Variants in ASAP1 observed in about 807,000 individuals in gnomAD.
ASAP1 encodes arf-GAP with SH3 domain, ANK repeat and PH domain-containing protein 1.
In ASAP1, 43 loss-of-function variants were observed where a neutral mutation model predicts 145.2. The ratio of observed to expected loss-of-function variants is 0.30; its 90% confidence interval spans 0.23 to 0.38. The LOEUF (loss-of-function observed/expected upper bound fraction) is 0.38, where lower values mean the gene tolerates loss of function less well. Ranked by LOEUF, ASAP1 falls within the 10% of genes least tolerant of loss-of-function variation. ASAP1 has a pLI of 1.00. For missense variants in ASAP1, 1,018 were observed against 1,355.3 expected (o/e 0.75, Z 3.91); for synonymous variants, 546 against 515.5 (o/e 1.06, Z -0.80).
In ASAP1 at chr8:130,052,257, C is replaced by T. The variant is rs1030320291; in HGVS notation, c.*2474G>A. ...TGATGGTAACATCCAGATGAGAATT[C>T]GGCATTTAACTAGTGGCACTACAGG... On this transcript the variant is annotated 3_prime_UTR_variant, in exon 30 of 30. Coordinates refer to ENST00000518721, the MANE Select transcript of ASAP1 (RefSeq NM_018482.4). 8.5e-5 allele frequency: 13 copies of T among 152,600 alleles called. No homozygotes were observed. The highest frequency in any genetic ancestry group is 2.6e-4 in the Admixed American group (4 of 15,278). 9.5% of individuals were successfully genotyped at this position (152,600 alleles called of 1,614,324 possible). A position where few individuals can be genotyped will look rare whatever the true frequency, so the allele number is the denominator to read the frequency against.
intron 12 of ASAP1, among the ~76,000 whole-genome samples, chr8:130,158,480 T>C (rs2097662447): frequency 6.6e-6 from 1 of 152,124 alleles, no homozygotes; most frequent in Non-Finnish European, 1.5e-5. Flanking sequence ...GGTGCCACTG[T>C]ACTCCAGCCT....
chr8:130,115,917 A>G (rs954673850), intron 22 of ASAP1, among the ~76,000 whole-genome samples, 182 bp from the exon 23 acceptor site: 10 of 152,224 alleles, frequency 6.6e-5, no homozygotes, highest in African/African-American at 2.4e-4. Context: ...GAAGAAATGC[A>G]AACAATTGCA....
chr8:130,072,210 G>A lies in ASAP1; in HGVS notation c.2701+4138C>T, dbSNP rs1191944791. On this transcript the variant is annotated intron_variant, in intron 27 of 29. Coordinates refer to ENST00000518721, the MANE Select transcript of ASAP1 (RefSeq NM_018482.4). ...GGAGGCTCCTGGAGTTTCCAGAAAG[G>A]GCTTGGAAGCTCTGCACCTGATATA... is the stretch of plus-strand genomic sequence containing the variant. 3.3e-5 allele frequency among the ~76,000 whole-genome samples: 5 copies of A among 152,128 alleles called. No homozygotes were observed. In the East Asian group the frequency reaches 9.6e-4, roughly 29 times the overall value.
At chr8:130,336,736 T>G (rs548422689) in intron 3 of ASAP1, among the ~76,000 whole-genome samples, 98 of 152,228 alleles carry the variant, frequency 6.4e-4, no homozygotes, top group Non-Finnish European at 1.0e-3. Context: ...TTGACATAAG[T>G]CACCGAACAG....
intron 25 of ASAP1, among the ~76,000 whole-genome samples, chr8:130,086,031 T>C (rs1200792189): frequency 2.6e-5 from 4 of 152,166 alleles, no homozygotes; most frequent in South Asian, 4.1e-4. Flanking sequence ...ATGCTGCAGA[T>C]GGATAAGGAG....
intron 3 of ASAP1, among the ~76,000 whole-genome samples, chr8:130,247,872 T>C (rs186157629): frequency 5.1e-4 from 77 of 152,330 alleles, no homozygotes; most frequent in African/African-American, 1.7e-3. Flanking sequence ...GTCTTGACAA[T>C]GAGCATCATT....
rs997129543 is a variant in ASAP1, at chr8:130,058,067, T to C, written c.3202A>G (p.Lys1068Glu). The change falls in exon 29 of 30, where the codon AAA becomes GAA. Residue 1068 changes from lysine (K) to glutamate (E), a missense_variant. By Grantham distance (56) the Lys-to-Glu change is moderately conservative. Around this residue, in one of 9 missense-constraint regions of ASAP1, gnomAD observed 62 missense variants for 97.8 expected, o/e 0.63. Transcript: ENST00000518721. ...TAAATGGTCTTCACTCGCCTCACTT[T>C]ATTTTTCCCCTTAAAGAAAGAAACT... ...LPRKINTGKN[K>E]VRRVKTIYDC... 6.2e-7 allele frequency: 1 copy of C among 1,613,276 alleles called. No homozygotes were observed. Among genetic ancestry groups the C allele is most frequent in the Admixed American group, 1.7e-5 (1 of 59,988 alleles).
chr8:130,198,068 T>A (rs964895595), intron 5 of ASAP1, among the ~76,000 whole-genome samples: 7 of 152,150 alleles, frequency 4.6e-5, no homozygotes, highest in Admixed American at 3.3e-4. Flanking sequence ...CTACTGAGGC[T>A]AGGGGTTTGG....
At chr8:130,424,520 G>GT (rs1215219384) in intron 1 of ASAP1, among the ~76,000 whole-genome samples, 2 of 151,938 alleles carry the variant, frequency 1.3e-5, no homozygotes. Context: ...GTTTGTTTTT[G>GT]TTTTTTTTAA....
At chr8:130,064,925 G>A (rs1011799103) in intron 27 of ASAP1, among the ~76,000 whole-genome samples, 1 of 144,724 alleles carries the variant, frequency 6.9e-6, no homozygotes, top group African/African-American at 2.5e-5. Flanking sequence ...GTGTGTGTGT[G>A]TGTGTGTGTA....
chr8:130,375,552 GA>G (rs11311647), intron 2 of ASAP1, among the ~76,000 whole-genome samples: 34,425 of 142,748 alleles, frequency 0.24, 4,069 homozygotes, highest in African/African-American at 0.27. Flanking sequence ...ACTCTCGAGG[GA>G]AAAAAAAAAA....
intron 27 of ASAP1, among the ~76,000 whole-genome samples, chr8:130,069,882 C>T (rs1455934227): frequency 6.6e-6 from 1 of 152,152 alleles, no homozygotes; most frequent in Non-Finnish European, 1.5e-5. Flanking sequence ...TCCTTTGGCT[C>T]AACCCTTGGC....
chr8:130,189,421 T>C (rs959342183), intron 5 of ASAP1, among the ~76,000 whole-genome samples: 2 of 152,214 alleles, frequency 1.3e-5, no homozygotes, highest in African/African-American at 2.4e-5. Flanking sequence ...GCAATACTTA[T>C]CTTTCTGTAC....
At chr8:130,426,101 T>G (rs867130994) in intron 1 of ASAP1, among the ~76,000 whole-genome samples, 1 of 152,220 alleles carries the variant, frequency 6.6e-6, no homozygotes, top group Non-Finnish European at 1.5e-5. Context: ...GATTGAATCA[T>G]GAAAGGTGTT....
chr8:130,414,550 T>G (rs1433888238), intron 1 of ASAP1, among the ~76,000 whole-genome samples: 2 of 152,182 alleles, frequency 1.3e-5, no homozygotes, highest in Non-Finnish European at 2.9e-5. Context: ...TAAACTCAGG[T>G]GCCTGCTGTG....
At chr8:130,386,148 A>G (rs1232536606) in intron 2 of ASAP1, among the ~76,000 whole-genome samples, 2 of 152,200 alleles carry the variant, frequency 1.3e-5, no homozygotes, top group Non-Finnish European at 2.9e-5. Flanking sequence ...TACTTGGAGA[A>G]CCTGAGAATA....
chr8:130,229,098 T>C (rs1234211070), intron 4 of ASAP1, among the ~76,000 whole-genome samples: 2 of 152,218 alleles, frequency 1.3e-5, no homozygotes, highest in Non-Finnish European at 2.9e-5. Flanking sequence ...TTCTGTCTTA[T>C]GGCACTGATT....
chr8:130,336,093 G>A (rs1825017688), intron 3 of ASAP1, among the ~76,000 whole-genome samples: 2 of 152,118 alleles, frequency 1.3e-5, no homozygotes, highest in East Asian at 3.9e-4. Flanking sequence ...ATAGACACCT[G>A]GGATTAAGAT....
intron 13 of ASAP1, among the ~76,000 whole-genome samples, chr8:130,137,544 G>T (rs2097597853): frequency 6.6e-6 from 1 of 152,100 alleles, no homozygotes; most frequent in African/African-American, 2.4e-5. Context: ...CATTCAAAAT[G>T]ACCCCGGTAA....
Sources: allele counts gnomAD v4.1 joint callset (sites outside exome capture counted in the v4.1 genomes callset), GRCh38; gene constraint gnomAD v4.1.1; regional missense constraint gnomAD v4.1.1; transcripts MANE v1.5; gene names NCBI Gene and HGNC (gene_info 2026-07-23, HGNC 2026-07-21).